ASIC2: variants seen among roughly 807,000 people sequenced by gnomAD.
The protein encoded by ASIC2 is acid sensing ion channel subunit 2.
Under a neutral mutation model 57.3 loss-of-function variants are expected in ASIC2, and 25 were observed. That is an observed-to-expected ratio of 0.44 (90% confidence interval 0.32 to 0.61). The LOEUF is 0.61. ASIC2 is among the 20% of genes least tolerant of loss of function. The pLI, the probability that ASIC2 is intolerant of heterozygous loss-of-function variation, is 0.06. For synonymous variants in ASIC2, 319 were observed against 307.5 expected (o/e 1.04, Z -0.39); for missense variants, 641 against 738.1 (o/e 0.87, Z 1.52).
intron 1 of ASIC2, among the ~76,000 whole-genome samples, chr17:33,324,975 A>G (rs1353639408): frequency 6.6e-6 from 1 of 152,178 alleles, no homozygotes; most frequent in Admixed American, 6.5e-5. Context: ...CACAACAGAT[A>G]GAGGAGAGGG....
chr17:33,555,364 C>A (rs1038752985), intron 1 of ASIC2, among the ~76,000 whole-genome samples: 2 of 152,120 alleles, frequency 1.3e-5, no homozygotes, highest in African/African-American at 4.8e-5. Context: ...ACCAAAATAT[C>A]TTTTAAGAAT....
At chr17:33,652,457 A>G (rs1466108640) in intron 1 of ASIC2, among the ~76,000 whole-genome samples, 1 of 152,228 alleles carries the variant, frequency 6.6e-6, no homozygotes, top group Non-Finnish European at 1.5e-5. Context: ...AATCCTCGCA[A>G]TAACTCTGTG....
At chr17:33,437,165 C>A (rs2141981861) in intron 1 of ASIC2, among the ~76,000 whole-genome samples, 1 of 152,006 alleles carries the variant, frequency 6.6e-6, no homozygotes, top group Admixed American at 6.6e-5. Context: ...GCGCCCGGCC[C>A]CAACTTCTTT....
At chr17:33,108,662 C>T (rs911283549) in intron 2 of ASIC2, among the ~76,000 whole-genome samples, 2 of 152,216 alleles carry the variant, frequency 1.3e-5, no homozygotes, top group African/African-American at 2.4e-5. Context: ...TTGAGGTGAC[C>T]AGCATCTGCA....
intron 1 of ASIC2, among the ~76,000 whole-genome samples, chr17:33,887,241 T>G (rs2141944369): frequency 6.6e-6 from 1 of 152,320 alleles, no homozygotes; most frequent in South Asian, 2.1e-4. Context: ...TTGTATTGTG[T>G]ACTGCTACGT....
chr17:33,021,869 C>T (rs1168689107), intron 6 of ASIC2, among the ~76,000 whole-genome samples: 1 of 152,194 alleles, frequency 6.6e-6, no homozygotes, highest in Admixed American at 6.5e-5. Flanking sequence ...CTGGCAGAAG[C>T]ACCGCGGCTT....
chr17:34,099,689 GAGAAGAAAGAAAGGAA>G (rs1910757594), intron 1 of ASIC2, among the ~76,000 whole-genome samples: 1 of 140,132 alleles, frequency 7.1e-6, no homozygotes, highest in Admixed American at 7.3e-5. Flanking sequence ...AGAAAAGAAA[GAGAAGAAAGAAAGGAA>G]AAAAGAAAGA....
intron 1 of ASIC2, among the ~76,000 whole-genome samples, chr17:33,578,936 C>T (rs1416884024): frequency 6.6e-6 from 1 of 152,146 alleles, no homozygotes; most frequent in East Asian, 1.9e-4. Flanking sequence ...AATTCTCTAG[C>T]TTCTGCTGCT....
intron 1 of ASIC2, among the ~76,000 whole-genome samples, chr17:33,923,888 C>T (rs116089902): frequency 6.2e-4 from 95 of 152,266 alleles, no homozygotes; most frequent in African/African-American, 2.1e-3. Flanking sequence ...CCATTGACTC[C>T]ATTCCCTACC....
intron 1 of ASIC2, among the ~76,000 whole-genome samples, chr17:34,083,338 C>A (rs1362142915): frequency 1.3e-5 from 2 of 151,874 alleles, no homozygotes; most frequent in Non-Finnish European, 2.9e-5. Flanking sequence ...CATGTCCCTA[C>A]AAAGGACATG....
chr17:33,248,099 C>T (rs1363749197), intron 1 of ASIC2, among the ~76,000 whole-genome samples: 2 of 152,100 alleles, frequency 1.3e-5, no homozygotes, highest in African/African-American at 4.8e-5. Flanking sequence ...CTGGGTTGGT[C>T]ATGCTTGGTC....
At chr17:33,816,611 C>T (rs1236195770) in intron 1 of ASIC2, 1 of 152,104 alleles carries the variant, frequency 6.6e-6, no homozygotes, top group East Asian at 1.9e-4. Flanking sequence ...CTTCAGACAT[C>T]ACATGAAAAA....
At chr17:33,753,863 T>C (rs1190767420) in intron 1 of ASIC2, among the ~76,000 whole-genome samples, 2 of 152,174 alleles carry the variant, frequency 1.3e-5, no homozygotes, top group Non-Finnish European at 2.9e-5. Context: ...TCTCAGGCCA[T>C]ATTTAGGTCA....
intron 1 of ASIC2, among the ~76,000 whole-genome samples, chr17:33,850,855 T>C (rs1157735612): frequency 6.6e-6 from 1 of 151,942 alleles, no homozygotes; most frequent in Non-Finnish European, 1.5e-5. Context: ...CTCGGTGCCA[T>C]TACCTGAGTC....
At chr17:33,335,716 G>A (rs535345057) in intron 1 of ASIC2, among the ~76,000 whole-genome samples, 3 of 152,306 alleles carry the variant, frequency 2.0e-5, no homozygotes, top group East Asian at 3.9e-4. Context: ...TACCACAGCT[G>A]AGATGCTGTA....
At chr17:34,016,384 A>T (rs1279224364) in intron 1 of ASIC2, among the ~76,000 whole-genome samples, 1 of 147,036 alleles carries the variant, frequency 6.8e-6, no homozygotes, top group African/African-American at 2.6e-5. Context: ...AGATCCCGCC[A>T]CTACAATCCA....
chr17:33,550,602 T>A (rs1036069821), intron 1 of ASIC2, among the ~76,000 whole-genome samples: 1 of 152,232 alleles, frequency 6.6e-6, no homozygotes, highest in Non-Finnish European at 1.5e-5. Context: ...CCTGTCTATA[T>A]CACCTACTGG....
intron 1 of ASIC2, among the ~76,000 whole-genome samples, chr17:33,770,922 C>A (rs1240101295): frequency 6.6e-6 from 1 of 152,116 alleles, no homozygotes; most frequent in African/African-American, 2.4e-5. Flanking sequence ...AAGGAACATT[C>A]ATTGTCTGGG....
chr17:33,056,112 C>T (rs933832978), intron 3 of ASIC2, among the ~76,000 whole-genome samples: 16 of 152,156 alleles, frequency 1.1e-4, no homozygotes, highest in African/African-American at 3.9e-4. Context: ...CCAGAAAGGC[C>T]AAGTGATTTG....
Sources: gnomAD v4.1 joint callset for allele counts (sites outside exome capture counted in the v4.1 genomes callset) on GRCh38, gnomAD v4.1.1 for gene constraint, MANE v1.5 for transcripts, NCBI Gene and HGNC (gene_info 2026-07-23, HGNC 2026-07-21) for gene names.